Variants in PPME1 observed in about 807,000 individuals in gnomAD.
PPME1 encodes the protein testicular secretory protein Li 39.
PPME1 carries 17 observed loss-of-function variants against 56.9 expected under a neutral mutation model. That is an observed-to-expected ratio of 0.30 (90% confidence interval 0.20 to 0.45). The LOEUF (loss-of-function observed/expected upper bound fraction) is 0.45, where lower values mean the gene tolerates loss of function less well. Ranked by LOEUF, PPME1 falls within the 20% of genes least tolerant of loss-of-function variation. The probability of loss-of-function intolerance (pLI) is 1.00; values close to 1 mark genes in which losing one functional copy is unlikely to be tolerated. For synonymous variants in PPME1, 122 were observed against 156.2 expected, an observed-to-expected ratio of 0.78 and a Z score of 1.63; for missense variants, 357 against 483.2, an observed-to-expected ratio of 0.74 and a Z score of 2.45.
chr11:74,181,846 T>C (rs56128796), intron 1 of PPME1, among the ~76,000 whole-genome samples: 19,965 of 152,218 alleles, frequency 0.13, 3,589 homozygotes, highest in African/African-American at 0.41. Flanking sequence ...TACTCAGCTC[T>C]GCTGTTTTAG....
chr11:74,208,227 G>A (rs931768652), intron 3 of PPME1, among the ~76,000 whole-genome samples: 1 of 151,686 alleles, frequency 6.6e-6, no homozygotes. Flanking sequence ...CAGGAGAAAC[G>A]CTTGAACACG....
chr11:74,224,157 C>T (rs1858874392), intron 4 of PPME1, among the ~76,000 whole-genome samples: 1 of 148,114 alleles, frequency 6.8e-6, no homozygotes, highest in Admixed American at 6.7e-5. Context: ...CAGCTTTCTA[C>T]ATATGGCTAG....
At chr11:74,214,627 T>G (rs1858576234) in intron 3 of PPME1, among the ~76,000 whole-genome samples, 1 of 151,998 alleles carries the variant, frequency 6.6e-6, no homozygotes, top group Non-Finnish European at 1.5e-5. Flanking sequence ...GGAAGCAGAC[T>G]TCTCAGTGAA....
At position 74,171,309 on chromosome 11, in the gene PPME1, G is replaced by A. The variant is rs1051122003; in HGVS notation, c.-113G>A. ...GCGGTGCTACGGGTAGCTGGGTGCT[G>A]TCCAAAGGCGACAGGGCGTCGTTAG... On this transcript the variant is annotated 5_prime_UTR_variant, in exon 1 of 14. Transcript: ENST00000328257. 2.0e-6 allele frequency: 3 copies of A among 1,509,376 alleles called. No homozygotes were observed. Among genetic ancestry groups the A allele is most frequent in the African/African-American group, 2.8e-5 (2 of 72,704 alleles). 93.5% of individuals were successfully genotyped at this position (1,509,376 alleles called of 1,614,324 possible).
rs149729933 is a variant in PPME1, at chr11:74,174,496, A to G, written c.101+2974A>G. Among the ~76,000 whole-genome samples the G allele has an allele frequency of 3.2e-3, 489 of 152,110 alleles. 2 individuals carry two copies. The highest frequency in any genetic ancestry group is 6.8e-3 in the Middle Eastern group (2 of 294). ...TAACTTCCATTCTTCCACTCTATCT[A>G]TGTTACTCACAAGTTAGTCCTGTTC... On this transcript the variant is annotated intron_variant, in intron 1 of 13. Coordinates refer to ENST00000328257, the MANE Select transcript of PPME1 (RefSeq NM_016147.3).
At chr11:74,235,990 G>A in intron 8 of PPME1, 24 bp downstream of exon 8, 2 of 1,608,440 alleles carry the variant, frequency 1.2e-6, no homozygotes, top group South Asian at 1.1e-5. Context: ...TTCCCCCTTG[G>A]TCTGGTTAGA....
At chr11:74,223,278 T>G (rs1053704518) in intron 4 of PPME1, among the ~76,000 whole-genome samples, 1 of 151,644 alleles carries the variant, frequency 6.6e-6, no homozygotes, top group African/African-American at 2.4e-5. Context: ...GAACTCATCA[T>G]TTTTTATGGC....
intron 1 of PPME1, among the ~76,000 whole-genome samples, chr11:74,178,876 G>A (rs1216097397): frequency 6.7e-6 from 1 of 150,374 alleles, no homozygotes; most frequent in East Asian, 1.9e-4. Context: ...ATCTCTAGTT[G>A]TTTGGGAAAG....
chr11:74,249,944 A>G, intron 11 of PPME1: 1 of 152,218 alleles, frequency 6.6e-6, no homozygotes, highest in Non-Finnish European at 1.5e-5. Context: ...TCCTCCACTA[A>G]TTAATGAAGT....
intron 11 of PPME1, among the ~76,000 whole-genome samples, 186 bp downstream of exon 11, chr11:74,247,309 T>A (rs1218312014): frequency 6.6e-6 from 1 of 152,034 alleles, no homozygotes; most frequent in African/African-American, 2.4e-5. Flanking sequence ...TTTCCTGAGC[T>A]TTAATTTGTT....
At chr11:74,232,860 A>ATTTTTTTTTTTTTTTTTTTT (rs35057762) in intron 7 of PPME1, among the ~76,000 whole-genome samples, 1 of 93,864 alleles carries the variant, frequency 1.1e-5, no homozygotes, top group African/African-American at 4.6e-5. Flanking sequence ...TTGTTATTTG[A>ATTTTTTTTTTTTTTTTTTTT]TTTTTTTTTT....
chr11:74,194,078 C>T (rs1279851217), intron 1 of PPME1, among the ~76,000 whole-genome samples: 8 of 152,096 alleles, frequency 5.3e-5, no homozygotes, highest in Admixed American at 1.3e-4. Flanking sequence ...CTTGAAACTT[C>T]TTGGGATATG....
intron 1 of PPME1, among the ~76,000 whole-genome samples, chr11:74,173,532 T>A (rs1416713727): frequency 6.6e-6 from 1 of 152,094 alleles, no homozygotes; most frequent in Non-Finnish European, 1.5e-5. Flanking sequence ...TTTTTATTTT[T>A]TATTACTTTT....
intron 1 of PPME1, among the ~76,000 whole-genome samples, chr11:74,172,999 G>A (rs1233689922): frequency 1.3e-5 from 2 of 152,118 alleles, no homozygotes; most frequent in African/African-American, 4.8e-5. Flanking sequence ...GGGAAAAATG[G>A]GTGGAAAAAC....
At chr11:74,211,634 T>G (rs1291457319) in intron 3 of PPME1, among the ~76,000 whole-genome samples, 3 of 152,146 alleles carry the variant, frequency 2.0e-5, no homozygotes, top group African/African-American at 7.2e-5. Context: ...AAACAAAAAC[T>G]TCTAGACAAA....
At chr11:74,173,483 T>C (rs2135586527) in intron 1 of PPME1, among the ~76,000 whole-genome samples, 1 of 152,282 alleles carries the variant, frequency 6.6e-6, no homozygotes, top group African/African-American at 2.4e-5. Flanking sequence ...AAGGAAAATC[T>C]GCTGATTAGA....
At chr11:74,173,140 A>G (rs1857323959) in intron 1 of PPME1, among the ~76,000 whole-genome samples, 1 of 152,220 alleles carries the variant, frequency 6.6e-6, no homozygotes, top group Non-Finnish European at 1.5e-5. Context: ...AGGTAAAGTG[A>G]AGATTGTTTT....
At chr11:74,197,725 C>G (rs945640244) in intron 1 of PPME1, among the ~76,000 whole-genome samples, 2 of 152,176 alleles carry the variant, frequency 1.3e-5, no homozygotes, top group African/African-American at 4.8e-5. Context: ...TTCCTTTTCT[C>G]TTTCTGCTGG....
chr11:74,245,752 A>G (rs474835), intron 9 of PPME1, among the ~76,000 whole-genome samples: 61,327 of 152,032 alleles, frequency 0.4, 14,631 homozygotes, highest in Admixed American at 0.57. Context: ...TTTTGATGAA[A>G]CATCCTTTTG....
Sources: gnomAD v4.1 joint callset for allele counts (sites outside exome capture counted in the v4.1 genomes callset) on GRCh38, gnomAD v4.1.1 for gene constraint, MANE v1.5 for transcripts, NCBI Gene and HGNC (gene_info 2026-07-23, HGNC 2026-07-21) for gene names.